The following PRICKLE2 variants were observed in gnomAD, a reference collection of about 807,000 sequenced individuals.
PRICKLE2 encodes the protein prickle-like protein 2.
Under a neutral mutation model 81.4 loss-of-function variants are expected in PRICKLE2, and 21 were observed. The observed-to-expected ratio is 0.26, with a 90% CI of 0.18 to 0.37. The LOEUF (loss-of-function observed/expected upper bound fraction) is 0.37. PRICKLE2 is among the 10% of genes least tolerant of loss of function. PRICKLE2 has a pLI of 1.00. For synonymous variants in PRICKLE2, 456 were observed against 421.5 expected (o/e 1.08, Z -1.00); for missense variants, 940 against 1,109.0 (o/e 0.85, Z 2.16).
At position 64,096,215 on chromosome 3, in the gene PRICKLE2, A is replaced by T. The variant is rs1204754569; in HGVS notation, c.*2836T>A. On this transcript the variant is annotated 3_prime_UTR_variant, in exon 8 of 8. Coordinates refer to ENST00000638394, the MANE Select transcript of PRICKLE2 (RefSeq NM_198859.4). Reference sequence around the variant, plus strand: ...GAAGAGAGAACGCTGGAAAAAGATTACTATTCTGGAAATCAGTCTCTTGAA... The same window carrying T: ...GAAGAGAGAACGCTGGAAAAAGATTTCTATTCTGGAAATCAGTCTCTTGAA... 1 of 152,252 alleles carries T rather than the reference A, an allele frequency of 6.6e-6. No individual in the cohort carries two copies. Among genetic ancestry groups the T allele is most frequent in the South Asian group, 2.1e-4 (1 of 4,824 alleles). 9.4% of individuals were successfully genotyped at this position (152,252 alleles called of 1,614,324 possible).
chr3:64,225,683 C>A (rs1462733360), upstream of PRICKLE2, among the ~76,000 whole-genome samples: 4 of 152,070 alleles, frequency 2.6e-5, no homozygotes, highest in African/African-American at 9.7e-5. Flanking sequence ...AAAAAAATCA[C>A]ATATAAGAAG....
chr3:64,120,676 G>T (rs2077010701), intron 7 of PRICKLE2, among the ~76,000 whole-genome samples: 1 of 152,186 alleles, frequency 6.6e-6, no homozygotes, highest in African/African-American at 2.4e-5. Context: ...GGTCTGGGGT[G>T]CTTTCCTTTA....
At chr3:64,236,802 C>T (rs563140528) in intron 2 of PRICKLE2, among the ~76,000 whole-genome samples, 13 of 152,302 alleles carry the variant, frequency 8.5e-5, no homozygotes, top group South Asian at 6.2e-4. Context: ...CTCTGAAAAA[C>T]ATGAATGACG....
chr3:64,163,178 T>A (rs753149119), intron 2 of PRICKLE2, 49 bp from the exon 3 acceptor site: 1 of 1,091,450 alleles, frequency 9.2e-7, no homozygotes. Context: ...TCAAACCATG[T>A]GCCTATTCCC....
intron 7 of PRICKLE2, among the ~76,000 whole-genome samples, chr3:64,103,975 G>A (rs1199573034): frequency 1.3e-5 from 2 of 152,048 alleles, no homozygotes; most frequent in African/African-American, 2.4e-5. Context: ...GCGAGCCCCT[G>A]TCTCCAAAAA....
chr3:64,183,928 A>G (rs1031262693), intron 2 of PRICKLE2, among the ~76,000 whole-genome samples: 2 of 152,050 alleles, frequency 1.3e-5, no homozygotes, highest in African/African-American at 4.8e-5. Context: ...GAAGAGTGGT[A>G]TATTAACTGC....
chr3:64,118,638 TGATGA>T lies in PRICKLE2; in HGVS notation c.1661-18718_1661-18714del, dbSNP rs573600821. ...ATTAGAGAAATGCAACTCAAAACCA[TGATGA>T]GATAACTATCTCATACCCATCAGAA... On this transcript the variant is annotated intron_variant, in intron 7 of 7. Coordinates refer to ENST00000638394, the MANE Select transcript of PRICKLE2 (RefSeq NM_198859.4). Among the ~76,000 whole-genome samples, 182 of 152,140 alleles carry T rather than the reference TGATGA, an allele frequency of 1.2e-3. 1 individual carries two copies. The highest frequency in any genetic ancestry group is 4.3e-3 in the African/African-American group (178 of 41,512).
intron 2 of PRICKLE2, among the ~76,000 whole-genome samples, chr3:64,248,062 T>G (rs1421023407): frequency 6.6e-6 from 1 of 152,202 alleles, no homozygotes; most frequent in South Asian, 2.1e-4. Flanking sequence ...GAAACTTCAC[T>G]CACTGAAAAT....
intron 2 of PRICKLE2, among the ~76,000 whole-genome samples, chr3:64,195,883 T>C (rs2078444233): frequency 6.6e-6 from 1 of 152,354 alleles, no homozygotes; most frequent in African/African-American, 2.4e-5. Context: ...CCTTTTCTAA[T>C]CATCTGTGTC....
At chr3:64,268,099 G>A (rs1012567774) in intron 2 of PRICKLE2, 1 of 152,264 alleles carries the variant, frequency 6.6e-6, no homozygotes, top group African/African-American at 2.4e-5. Flanking sequence ...TAACATTCCT[G>A]GGGCGGCAGC....
At chr3:64,180,131 G>C (rs561662134) in intron 2 of PRICKLE2, among the ~76,000 whole-genome samples, 2 of 152,176 alleles carry the variant, frequency 1.3e-5, no homozygotes, top group African/African-American at 2.4e-5. Context: ...TGTTATGTGC[G>C]TATGTTATAT....
Position 64,146,921 on chromosome 3 carries a change from G to A in PRICKLE2, c.1569C>T (p.Pro523=). Residue 523 remains proline, a synonymous_variant, in exon 7 of 8, where the codon CCC becomes CCT. Coordinates refer to ENST00000638394, the MANE Select transcript of PRICKLE2 (RefSeq NM_198859.4). ...CCTCTGTGTATTTCAGGGAACTGAT[G>A]GGATGACGGGTCCGACACTGCTGAG... is the stretch of plus-strand genomic sequence containing the variant. ...LSTQQCRTRH[P]ISSLKYTEDM... The A allele has an allele frequency of 6.2e-7, 1 of 1,614,100 alleles. No homozygotes were observed. The highest frequency in any genetic ancestry group is 8.5e-7 in the Non-Finnish European group (1 of 1,180,004).
intron 1 of PRICKLE2, among the ~76,000 whole-genome samples, chr3:64,217,907 A>G (rs2078897367): frequency 6.6e-6 from 1 of 152,176 alleles, no homozygotes; most frequent in Non-Finnish European, 1.5e-5. Context: ...AAACTCAGAT[A>G]ATGTTCACAA....
At chr3:64,105,732 C>T (rs1007575110) in intron 7 of PRICKLE2, 22 of 152,208 alleles carry the variant, frequency 1.4e-4, no homozygotes, top group African/African-American at 5.1e-4. Flanking sequence ...CTGATACTGT[C>T]CCCAAGATGG....
Position 64,130,704 on chromosome 3 carries a change from A to G in PRICKLE2, c.1660+16126T>C, listed in dbSNP as rs544850633. Among the ~76,000 whole-genome samples, 4 of 152,280 alleles carry G rather than the reference A, an allele frequency of 2.6e-5. No homozygotes were observed. In the East Asian group the frequency reaches 5.8e-4, roughly 22 times the overall value. ...AAGAATTTAGTTTGGTCTTAACACT[A>G]TGGTTCTCAATATTGTCTGACTGGT... On this transcript the variant is annotated intron_variant, in intron 7 of 7. Transcript: ENST00000638394.
rs753055673 is a variant in PRICKLE2, at chr3:64,147,493, C to T, written c.997G>A (p.Glu333Lys). Residue 333 changes from glutamate (E) to lysine (K), a missense_variant, in exon 7 of 8, where the codon GAG (glutamate) becomes AAG (lysine). This residue lies in a region of PRICKLE2 where 670 missense variants were observed against 717.2 expected (regional missense o/e 0.93). Transcript: ENST00000638394. This position sits in a 1 kb window ranked among gnomAD's most constrained non-coding sequence, Gnocchi z 5.0. The part of the protein sequence containing the change: ...DSAFQNARAK[E>K]SRRSAKIGKN... ...CCAATTTTGGCACTGCGCCGGGACT[C>T]CTTGGCCCTGGCGTTCTGGAAGGCG... 1 of 1,614,256 alleles carries T rather than the reference C, an allele frequency of 6.2e-7. No homozygotes were observed. Among genetic ancestry groups the T allele is most frequent in the Admixed American group, 1.7e-5 (1 of 60,030 alleles).
At chr3:64,121,113 C>T (rs922797251) in intron 7 of PRICKLE2, among the ~76,000 whole-genome samples, 1 of 152,170 alleles carries the variant, frequency 6.6e-6, no homozygotes, top group Non-Finnish European at 1.5e-5. Context: ...TAAGCAGCTG[C>T]TTACCTGGTA....
At position 64,096,323 on chromosome 3, in the gene PRICKLE2, G is replaced by A. The variant is rs971304155; in HGVS notation, c.*2728C>T. The stretch of plus-strand genomic sequence containing the variant: ...TCCAATAAGAGTTAATGGTTGTGAT[G>A]GAGGAATTAGGTGAGGACCTTAAGT... On this transcript the variant is annotated 3_prime_UTR_variant, in exon 8 of 8. Coordinates refer to ENST00000638394, the MANE Select transcript of PRICKLE2 (RefSeq NM_198859.4). 6.6e-6 allele frequency: 1 copy of A among 152,214 alleles called. No homozygotes were observed. Among genetic ancestry groups the A allele is most frequent in the African/African-American group, 2.4e-5 (1 of 41,444 alleles). The allele number at this position is 152,214 out of a possible 1,614,324, so 9.4% of individuals were successfully genotyped here.
rs140059336 is a variant in PRICKLE2 at position 64,169,944 on chromosome 3, G to A, written c.145-6815C>T. On this transcript the variant is annotated intron_variant, in intron 2 of 7. Transcript: ENST00000638394. ...AAAAAGTACACAGTGGTTCCCAAAT[G>A]GGGACCTGGAGGACCATCAGGTAGC... Among the ~76,000 whole-genome samples the A allele has an allele frequency of 9.1e-3, 1,386 of 152,288 alleles. 9 individuals are homozygous for A. Among genetic ancestry groups the A allele is most frequent in the Middle Eastern group, 0.02 (6 of 294 alleles).
Sources: gnomAD v4.1 joint callset for allele counts (sites outside exome capture counted in the v4.1 genomes callset) on GRCh38, gnomAD v4.1.1 for gene constraint, gnomAD v4.1.1 regional missense constraint, Gnocchi (gnomAD v3.1) non-coding constraint, MANE v1.5 for transcripts, NCBI Gene and HGNC (gene_info 2026-07-23, HGNC 2026-07-21) for gene names.